SMIM14: variants seen among roughly 807,000 people sequenced by gnomAD.
SMIM14 encodes small integral membrane protein 14.
Under a neutral mutation model 12.6 loss-of-function variants are expected in SMIM14, and 5 were observed. The observed-to-expected ratio is 0.40, with a 90% CI of 0.21 to 0.83. The LOEUF (loss-of-function observed/expected upper bound fraction) is 0.83. Ranked by LOEUF, SMIM14 falls within the 40% of genes least tolerant of loss-of-function variation. The pLI is 0.37. For missense variants in SMIM14, 86 were observed against 119.1 expected (o/e 0.72, Z 1.29); for synonymous variants, 30 against 40.1 (o/e 0.75, Z 0.95).
intron 1 of SMIM14, among the ~76,000 whole-genome samples, chr4:39,618,761 C>T (rs1453271036): frequency 6.6e-6 from 1 of 151,554 alleles, no homozygotes; most frequent in Non-Finnish European, 1.5e-5. Flanking sequence ...CAGCAAGTAC[C>T]ATTGCATAAT....
In SMIM14 at chr4:39,572,400, C is replaced by G. The variant is rs750907676; in HGVS notation, c.124+15G>C. The G allele has an allele frequency of 6.4e-7, 1 of 1,562,954 alleles. No homozygotes were observed. The highest frequency in any genetic ancestry group is 8.7e-7 in the Non-Finnish European group (1 of 1,150,610). On this transcript the variant is annotated intron_variant, in intron 3 of 4. Transcript: ENST00000295958. ...CCCCCAATGCCATCCTTCCTCCTGT[C>G]TCAGTGGTACTTACATTCCTGAAGA...
chr4:39,634,836 G>GA (rs369946086), intron 1 of SMIM14, among the ~76,000 whole-genome samples: 2,694 of 149,712 alleles, frequency 0.018, 103 homozygotes, highest in African/African-American at 0.061. Context: ...TTTTCCATGG[G>GA]AAAAAAAAAT....
chr4:39,605,659 G>A (rs1664872951), intron 1 of SMIM14, among the ~76,000 whole-genome samples: 1 of 152,206 alleles, frequency 6.6e-6, no homozygotes, highest in African/African-American at 2.4e-5. Context: ...TCAAGATGGA[G>A]TATTGGCAAC....
At chr4:39,569,671 A>G (rs1398482559) in intron 3 of SMIM14, among the ~76,000 whole-genome samples, 1 of 152,020 alleles carries the variant, frequency 6.6e-6, no homozygotes, top group Non-Finnish European at 1.5e-5. Flanking sequence ...TGGGTGGCGG[A>G]GGTTGCAGTG....
intron 1 of SMIM14, among the ~76,000 whole-genome samples, chr4:39,634,952 C>G (rs1716037061): frequency 6.6e-6 from 1 of 152,186 alleles, no homozygotes; most frequent in Admixed American, 6.6e-5. Context: ...AAAGGACAGA[C>G]AAGGTTCCAT....
chr4:39,566,760 A>G (rs1247722272), intron 3 of SMIM14, among the ~76,000 whole-genome samples: 2 of 152,064 alleles, frequency 1.3e-5, no homozygotes, highest in African/African-American at 4.8e-5. Flanking sequence ...TGAGGTCAAG[A>G]GATCGAGACC....
intron 3 of SMIM14, among the ~76,000 whole-genome samples, chr4:39,570,500 G>A (rs954056190): frequency 2.6e-5 from 4 of 151,984 alleles, no homozygotes; most frequent in Admixed American, 2.6e-4. Flanking sequence ...AGAACTCTGA[G>A]GTTGAAGAAA....
At chr4:39,597,748 T>C (rs1450156417) in intron 2 of SMIM14, among the ~76,000 whole-genome samples, 1 of 152,162 alleles carries the variant, frequency 6.6e-6, no homozygotes, top group Non-Finnish European at 1.5e-5. Flanking sequence ...TTAGTAAGTA[T>C]TTACTTCATC....
chr4:39,579,584 T>C (rs1713388546), intron 2 of SMIM14, among the ~76,000 whole-genome samples: 1 of 151,938 alleles, frequency 6.6e-6, no homozygotes, highest in Admixed American at 6.6e-5. Context: ...GGCTCATGCT[T>C]GTAATCCCAG....
chr4:39,561,941 C>T lies in SMIM14; in HGVS notation c.125-5371G>A, dbSNP rs573000408. ...TAGTGAGACTCCATCTCAACAACAACAACAACCAAATAGTAATGTCCACTT... is the reference window on the plus strand; with the variant it reads ...TAGTGAGACTCCATCTCAACAACAATAACAACCAAATAGTAATGTCCACTT... On this transcript the variant is annotated intron_variant, in intron 3 of 4. Transcript: ENST00000295958. Among the ~76,000 whole-genome samples the T allele has an allele frequency of 4.6e-5, 7 of 151,192 alleles. No individual in the cohort carries two copies. In the South Asian group the frequency reaches 1.3e-3, roughly 27 times the overall value.
chr4:39,633,971 C>T (rs1166598234), intron 1 of SMIM14, among the ~76,000 whole-genome samples: 10 of 152,182 alleles, frequency 6.6e-5, no homozygotes, highest in African/African-American at 2.4e-4. Context: ...CTCGCTCTGT[C>T]GCAAGGCTGG....
rs1333296779 is a variant in SMIM14 at position 39,549,193 on chromosome 4, C to G, written c.*2933G>C. On this transcript the variant is annotated 3_prime_UTR_variant, in exon 5 of 5. Coordinates refer to ENST00000295958, the MANE Select transcript of SMIM14 (RefSeq NM_174921.3). ...TGGGCGAAAGAGCAAAACTCCATCTCAAAACAACAACCAAAAAGAATCCAG... is the reference window on the plus strand; with the variant it reads ...TGGGCGAAAGAGCAAAACTCCATCTGAAAACAACAACCAAAAAGAATCCAG... 5.3e-5 allele frequency: 8 copies of G among 152,052 alleles called. No individual in the cohort carries two copies. Among genetic ancestry groups the G allele is most frequent in the Non-Finnish European group, 1.2e-4 (8 of 68,030 alleles). The allele number at this position is 152,052 out of a possible 1,614,324, so 9.4% of individuals were successfully genotyped here. A position where few individuals can be genotyped will look rare whatever the true frequency, so the allele number is the denominator to read the frequency against.
rs1184624141 is a variant in SMIM14, at chr4:39,569,765, A to G, written c.124+2650T>C. Among the ~76,000 whole-genome samples, 7 of 152,062 alleles carry G rather than the reference A, an allele frequency of 4.6e-5. No homozygotes were observed. In the South Asian group the frequency reaches 1.5e-3, roughly 32 times the overall value. ...AAAAAAAGAAAAAAAGAAAAAAAGA[A>G]ATTATTTTTGAGCTGTAGGCAATTA... On this transcript the variant is annotated intron_variant, in intron 3 of 4. Coordinates refer to ENST00000295958, the MANE Select transcript of SMIM14 (RefSeq NM_174921.3).
At chr4:39,618,144 T>C (rs1715291702) in intron 1 of SMIM14, among the ~76,000 whole-genome samples, 1 of 152,112 alleles carries the variant, frequency 6.6e-6, no homozygotes, top group Non-Finnish European at 1.5e-5. Flanking sequence ...ATCAGTGACA[T>C]CTACTCAAGT....
At chr4:39,634,128 C>T (rs1716006777) in intron 1 of SMIM14, among the ~76,000 whole-genome samples, 1 of 152,122 alleles carries the variant, frequency 6.6e-6, no homozygotes, top group Non-Finnish European at 1.5e-5. Context: ...GGGATTTCAC[C>T]ACGTTGGTCA....
At position 39,595,608 on chromosome 4, in the gene SMIM14, A is replaced by ATTT. The variant is rs71192880; in HGVS notation, c.75+9460_75+9462dup. 9.6e-3 allele frequency among the ~76,000 whole-genome samples: 1,296 copies of ATTT among 135,524 alleles called. 35 individuals are homozygous for ATTT. Among genetic ancestry groups the ATTT allele is most frequent in the African/African-American group, 0.033 (1,178 of 35,910 alleles). 88.9% of individuals were successfully genotyped at this position (135,524 alleles called of 152,430 possible). A position where few individuals can be genotyped will look rare whatever the true frequency, so the allele number is the denominator to read the frequency against. Reference sequence around the variant, plus strand: ...AATGAAAACGTTTTCTGTAACTACGATTTTTTTTTTTTTTTTTTGAGACAG... The same window carrying ATTT: ...AATGAAAACGTTTTCTGTAACTACGATTTTTTTTTTTTTTTTTTTTTGAGACAG... On this transcript the variant is annotated intron_variant, in intron 2 of 4. Coordinates refer to ENST00000295958, the MANE Select transcript of SMIM14 (RefSeq NM_174921.3).
At chr4:39,604,452 G>A (rs1440652329) in intron 2 of SMIM14, among the ~76,000 whole-genome samples, 1 of 151,072 alleles carries the variant, frequency 6.6e-6, no homozygotes, top group Non-Finnish European at 1.5e-5. Flanking sequence ...CAGGAGAATC[G>A]CTTGAACTCA....
At chr4:39,589,857 A>G (rs1462694055) in intron 2 of SMIM14, 2 of 151,946 alleles carry the variant, frequency 1.3e-5, no homozygotes, top group Admixed American at 1.3e-4. Context: ...TCTGGCCAAC[A>G]TAGTGAAACC....
intron 1 of SMIM14, among the ~76,000 whole-genome samples, chr4:39,607,031 G>T (rs144738455): frequency 2.0e-4 from 31 of 152,200 alleles, no homozygotes; most frequent in Non-Finnish European, 3.7e-4. Context: ...TAGAAAAAGG[G>T]GTGGATAAAC....
Sources: gnomAD v4.1 joint callset for allele counts (sites outside exome capture counted in the v4.1 genomes callset) on GRCh38, gnomAD v4.1.1 for gene constraint, MANE v1.5 for transcripts, NCBI Gene and HGNC (gene_info 2026-07-23, HGNC 2026-07-21) for gene names.